Variants in GALNT10 observed in about 807,000 individuals in gnomAD.
The protein encoded by GALNT10 is GalNAc transferase 10.
GALNT10 carries 41 observed loss-of-function variants against 75.0 expected under a neutral mutation model. That is an observed-to-expected ratio of 0.55 (90% CI 0.43 to 0.71). The LOEUF (loss-of-function observed/expected upper bound fraction) is 0.71. Ranked by LOEUF, GALNT10 falls within the 30% of genes least tolerant of loss-of-function variation. The probability of loss-of-function intolerance (pLI) is 0.00; values close to 1 mark genes in which losing one functional copy is unlikely to be tolerated. For synonymous variants in GALNT10, 302 were observed against 313.0 expected (o/e 0.96, Z 0.37); for missense variants, 727 against 818.5 (o/e 0.89, Z 1.36).
Position 154,230,375 on chromosome 5 carries a change from G to A in GALNT10, c.159+39350G>A, listed in dbSNP as rs141298427. ...CCAAGGGGTTTACTAGTTACGGAGT[G>A]TGGAGATTGTGGGCAGCAACCACTG... On this transcript the variant is annotated intron_variant, in intron 1 of 11. Coordinates refer to ENST00000297107, the MANE Select transcript of GALNT10 (RefSeq NM_198321.4). Among the ~76,000 whole-genome samples the A allele has an allele frequency of 1.9e-3, 289 of 152,332 alleles. 1 individual carries two copies. The highest frequency in any genetic ancestry group is 6.6e-3 in the African/African-American group (273 of 41,568).
At position 154,338,485 on chromosome 5, in the gene GALNT10, C is replaced by A. The variant is rs974166029; in HGVS notation, c.568+8747C>A. 7 of 247,276 alleles carry A rather than the reference C, an allele frequency of 2.8e-5. No homozygotes were observed. The Admixed American group carries it at 3.4e-4, about 12-fold the overall frequency. The allele number at this position is 247,276 out of a possible 1,614,324, so 15.3% of individuals were successfully genotyped here. A position where few individuals can be genotyped will look rare whatever the true frequency, so the allele number is the denominator to read the frequency against. ...GTGGGAGGAGACTTTAATGGTGCTT[C>A]CTCAGTGGCGCCCATGGGCAGAAAG... On this transcript the variant is annotated intron_variant, in intron 4 of 11. Coordinates refer to ENST00000297107, the MANE Select transcript of GALNT10 (RefSeq NM_198321.4).
chr5:154,264,514 A>C (rs1286205761), intron 1 of GALNT10, among the ~76,000 whole-genome samples: 1 of 152,152 alleles, frequency 6.6e-6, no homozygotes, highest in Non-Finnish European at 1.5e-5. Flanking sequence ...CTCAGAAAAA[A>C]AATGTATATA....
intron 4 of GALNT10, among the ~76,000 whole-genome samples, chr5:154,333,451 C>T (rs1754897169): frequency 6.6e-6 from 1 of 151,974 alleles, no homozygotes; most frequent in Non-Finnish European, 1.5e-5. Flanking sequence ...AACTTTTTGC[C>T]GAAAAGAATT....
intron 3 of GALNT10, among the ~76,000 whole-genome samples, chr5:154,306,831 G>A (rs968268679): frequency 6.6e-6 from 1 of 152,072 alleles, no homozygotes; most frequent in Non-Finnish European, 1.5e-5. Context: ...AATACAGATA[G>A]ACAGAAAATC....
chr5:154,290,899 C>CTCAGATGG lies in GALNT10; in HGVS notation c.160-3916_160-3909dup, dbSNP rs538744037. On this transcript the variant is annotated intron_variant, in intron 1 of 11. Coordinates refer to ENST00000297107, the MANE Select transcript of GALNT10 (RefSeq NM_198321.4). ...TAATTGTCTCTGAGCAGCTATTTAG[C>CTCAGATGG]TCAGATGGCTGAGGACTCTAGCAGC... Among the ~76,000 whole-genome samples, 881 of 152,308 alleles carry CTCAGATGG rather than the reference C, an allele frequency of 5.8e-3. 13 individuals are homozygous for CTCAGATGG. Among genetic ancestry groups the CTCAGATGG allele is most frequent in the African/African-American group, 0.02 (821 of 41,570 alleles).
chr5:154,307,756 T>A (rs34558130), intron 3 of GALNT10, among the ~76,000 whole-genome samples: 65,581 of 151,158 alleles, frequency 0.43, 14,903 homozygotes, highest in African/African-American at 0.53. Context: ...AAAAAAGAAT[T>A]TTACAGACCA....
chr5:154,411,029 C>T (rs1756388474), intron 9 of GALNT10, among the ~76,000 whole-genome samples: 1 of 152,166 alleles, frequency 6.6e-6, no homozygotes, highest in Non-Finnish European at 1.5e-5. Flanking sequence ...GACGAGCATG[C>T]CACCATGGGA....
rs934635231 is a variant in GALNT10 at position 154,418,220 on chromosome 5, G to A, written c.*1248G>A. ...GACATGTGTCCCTCAGCTCAGCAGAGGCTGTGGTACAACATGGTCCTTGGT... is the reference window on the plus strand; with the variant it reads ...GACATGTGTCCCTCAGCTCAGCAGAAGCTGTGGTACAACATGGTCCTTGGT... On this transcript the variant is annotated 3_prime_UTR_variant, in exon 12 of 12. Transcript: ENST00000297107. 1 of 152,220 alleles carries A rather than the reference G, an allele frequency of 6.6e-6. No homozygotes were observed. The highest frequency in any genetic ancestry group is 6.5e-5 in the Admixed American group (1 of 15,278). 9.4% of individuals were successfully genotyped at this position (152,220 alleles called of 1,614,324 possible). A position where few individuals can be genotyped will look rare whatever the true frequency, so the allele number is the denominator to read the frequency against.
At chr5:154,274,467 TTGAAAAGATTAAA>T (rs1163955307) in intron 1 of GALNT10, among the ~76,000 whole-genome samples, 3 of 152,180 alleles carry the variant, frequency 2.0e-5, no homozygotes, top group Non-Finnish European at 4.4e-5. Flanking sequence ...CCTGCAACTG[TTGAAAAGATTAAA>T]TGAAACTATA....
chr5:154,361,099 G>T (rs115997259), intron 4 of GALNT10, among the ~76,000 whole-genome samples: 2,771 of 152,050 alleles, frequency 0.018, 43 homozygotes, highest in Non-Finnish European at 0.026. Flanking sequence ...CTTTCCATGG[G>T]TTGTTTTTTC....
intron 1 of GALNT10, among the ~76,000 whole-genome samples, chr5:154,260,583 A>G (rs1208862373): frequency 2.0e-5 from 3 of 152,214 alleles, no homozygotes; most frequent in African/African-American, 4.8e-5. Context: ...ACAAAGTTTT[A>G]TAATCATTCA....
At chr5:154,272,809 A>G (rs1753886499) in intron 1 of GALNT10, among the ~76,000 whole-genome samples, 1 of 152,196 alleles carries the variant, frequency 6.6e-6, no homozygotes, top group South Asian at 2.1e-4. Context: ...GGTCTTCTCT[A>G]TGGGAGAAAG....
intron 4 of GALNT10, among the ~76,000 whole-genome samples, chr5:154,347,785 AAGG>A (rs1755151805): frequency 6.6e-6 from 1 of 152,228 alleles, no homozygotes; most frequent in Admixed American, 6.5e-5. Flanking sequence ...ATTCACCTAT[AAGG>A]AGAAGGAATG....
intron 4 of GALNT10, among the ~76,000 whole-genome samples, chr5:154,341,566 C>A (rs1283894419): frequency 2.0e-5 from 3 of 152,102 alleles, no homozygotes; most frequent in African/African-American, 7.2e-5. Context: ...TAAATAATAA[C>A]CTCACTCCAG....
intron 1 of GALNT10, among the ~76,000 whole-genome samples, chr5:154,197,976 TGCCCGTTAA>T (rs1358123084): frequency 6.6e-6 from 1 of 152,158 alleles, no homozygotes; most frequent in East Asian, 1.9e-4. Context: ...CTTCCACCCC[TGCCCGTTAA>T]GCCCTTCCTG....
chr5:154,221,922 T>C (rs79557927), intron 1 of GALNT10, among the ~76,000 whole-genome samples: 1 of 150,102 alleles, frequency 6.7e-6, no homozygotes, highest in Non-Finnish European at 1.5e-5. Context: ...TTTTAAAGGA[T>C]TTTTTTTTTA....
At chr5:154,327,021 G>T (rs1237762415) in intron 3 of GALNT10, among the ~76,000 whole-genome samples, 1 of 151,982 alleles carries the variant, frequency 6.6e-6, no homozygotes, top group East Asian at 1.9e-4. Context: ...ATTCATACCA[G>T]CCTGGGCAAC....
chr5:154,267,358 G>A (rs1753795229), intron 1 of GALNT10, among the ~76,000 whole-genome samples: 1 of 152,156 alleles, frequency 6.6e-6, no homozygotes, highest in African/African-American at 2.4e-5. Flanking sequence ...ACTTGTTGTA[G>A]GTGACCCAGA....
At chr5:154,218,157 T>A in intron 1 of GALNT10, 1 of 984,464 alleles carries the variant, frequency 1.0e-6, no homozygotes, top group Non-Finnish European at 1.2e-6. Flanking sequence ...CAGGTGGGGA[T>A]GACATTTTCT....
Sources: gnomAD v4.1 joint callset for allele counts (sites outside exome capture counted in the v4.1 genomes callset) on GRCh38, gnomAD v4.1.1 for gene constraint, MANE v1.5 for transcripts, NCBI Gene and HGNC (gene_info 2026-07-23, HGNC 2026-07-21) for gene names.